Variants in MSRA observed in about 807,000 individuals in gnomAD.
MSRA encodes mitochondrial peptide methionine sulfoxide reductase.
MSRA carries 54 observed loss-of-function variants against 31.3 expected under a neutral mutation model. The observed-to-expected ratio is 1.73, with a 90% CI of 1.39 to 2.17. MSRA has a LOEUF of 2.17. MSRA is among the 30% of genes most tolerant of loss of function. MSRA has a pLI of 0.00. For missense variants in MSRA, 507 were observed against 300.9 expected (o/e 1.69, Z -5.07); for synonymous variants, 169 against 116.5 (o/e 1.45, Z -2.90).
intron 3 of MSRA, among the ~76,000 whole-genome samples, chr8:10,285,021 T>C (rs1198715323): frequency 6.8e-5 from 5 of 74,070 alleles, no homozygotes; most frequent in African/African-American, 9.7e-5. Flanking sequence ...CAATCTTTTT[T>C]TCTTTAAAAA....
At chr8:10,165,563 C>T (rs550814590) in intron 1 of MSRA, among the ~76,000 whole-genome samples, 1 of 152,274 alleles carries the variant, frequency 6.6e-6, no homozygotes, top group East Asian at 1.9e-4. Flanking sequence ...ACCTGGGTCA[C>T]CTGCCAGAAA....
intron 1 of MSRA, among the ~76,000 whole-genome samples, chr8:10,089,703 G>A (rs986490269): frequency 1.3e-5 from 2 of 152,170 alleles, no homozygotes; most frequent in South Asian, 4.1e-4. Flanking sequence ...GCTGGCCTCC[G>A]GTGAGGACCT....
chr8:10,155,563 T>C (rs1022046802), intron 1 of MSRA, among the ~76,000 whole-genome samples: 34 of 152,176 alleles, frequency 2.2e-4, no homozygotes, highest in Non-Finnish European at 4.1e-4. Context: ...TTTCTGAATT[T>C]CTCTTTCCAC....
chr8:10,157,772 C>T (rs552199460), intron 1 of MSRA, among the ~76,000 whole-genome samples: 8 of 152,076 alleles, frequency 5.3e-5, no homozygotes, highest in African/African-American at 1.7e-4. Flanking sequence ...TCTCTCTGCC[C>T]GCCCTCTTCT....
intron 2 of MSRA, among the ~76,000 whole-genome samples, chr8:10,214,034 G>C (rs1809757345): frequency 6.6e-6 from 1 of 152,188 alleles, no homozygotes; most frequent in African/African-American, 2.4e-5. Flanking sequence ...CTAGTAGCCT[G>C]ATGGCAATGT....
At chr8:10,072,790 C>T (rs983481290) in intron 1 of MSRA, among the ~76,000 whole-genome samples, 2 of 152,146 alleles carry the variant, frequency 1.3e-5, no homozygotes, top group African/African-American at 4.8e-5. Context: ...TTTTGTAATT[C>T]TCAGTGTATA....
chr8:10,371,749 C>T (rs1416637785), intron 5 of MSRA, among the ~76,000 whole-genome samples: 4 of 152,126 alleles, frequency 2.6e-5, no homozygotes, highest in Non-Finnish European at 5.9e-5. Context: ...ACCATGCAAG[C>T]ATAACCACGT....
chr8:10,295,635 G>A (rs1416488743), intron 3 of MSRA, among the ~76,000 whole-genome samples: 1 of 152,240 alleles, frequency 6.6e-6, no homozygotes, highest in East Asian at 1.9e-4. Flanking sequence ...AACTTGGGGT[G>A]TCATTCTCAA....
chr8:10,165,957 T>C (rs900123628), intron 1 of MSRA, among the ~76,000 whole-genome samples: 1 of 152,212 alleles, frequency 6.6e-6, no homozygotes, highest in Non-Finnish European at 1.5e-5. Flanking sequence ...GTCCCTGGAA[T>C]AGCTGGGATT....
chr8:10,355,698 C>A (rs1195624341), intron 5 of MSRA, among the ~76,000 whole-genome samples: 1 of 152,088 alleles, frequency 6.6e-6, no homozygotes, highest in Admixed American at 6.5e-5. Flanking sequence ...AGTAGCTTTC[C>A]TGGGTGCCCT....
At chr8:10,411,209 A>G (rs1363398161) in intron 5 of MSRA, 1 of 152,248 alleles carries the variant, frequency 6.6e-6, no homozygotes, top group African/African-American at 2.4e-5. Context: ...TGAAACTGCT[A>G]GAATGCCAGG....
chr8:10,416,981 G>A (rs1808499334), intron 5 of MSRA, among the ~76,000 whole-genome samples: 1 of 152,170 alleles, frequency 6.6e-6, no homozygotes, highest in Non-Finnish European at 1.5e-5. Flanking sequence ...GGGTGCAGAG[G>A]ACACAGAGGA....
At chr8:10,245,930 A>G (rs1047470806) in intron 3 of MSRA, among the ~76,000 whole-genome samples, 4 of 152,238 alleles carry the variant, frequency 2.6e-5, no homozygotes, top group African/African-American at 9.6e-5. Context: ...CTACCGCATG[A>G]GACAGACATT....
At chr8:10,273,243 T>C (rs1237025490) in intron 3 of MSRA, among the ~76,000 whole-genome samples, 3 of 152,320 alleles carry the variant, frequency 2.0e-5, no homozygotes, top group Non-Finnish European at 4.4e-5. Context: ...TTCTTCCAAC[T>C]TATTCTACCC....
At chr8:10,173,620 C>T (rs571269293) in intron 1 of MSRA, among the ~76,000 whole-genome samples, 3 of 152,324 alleles carry the variant, frequency 2.0e-5, no homozygotes, top group African/African-American at 7.2e-5. Flanking sequence ...CCTTGGGCCC[C>T]ATGCCCAGGA....
chr8:10,074,046 C>T (rs1433227559), intron 1 of MSRA, among the ~76,000 whole-genome samples: 1 of 35,050 alleles, frequency 2.9e-5, no homozygotes, highest in Non-Finnish European at 5.7e-5. Context: ...TTTGTTTTGT[C>T]TAAGGGAGGT....
At chr8:10,071,094 G>C (rs1405378979) in intron 1 of MSRA, among the ~76,000 whole-genome samples, 1 of 152,154 alleles carries the variant, frequency 6.6e-6, no homozygotes, top group East Asian at 1.9e-4. Context: ...GTTTCCCAGA[G>C]TTCTTCAGTT....
intron 1 of MSRA, among the ~76,000 whole-genome samples, chr8:10,062,740 T>A (rs1163811438): frequency 1.3e-5 from 2 of 152,194 alleles, no homozygotes; most frequent in African/African-American, 4.8e-5. Flanking sequence ...TACTGGTTTT[T>A]CCTATCGCAT....
At chr8:10,423,517 G>T (rs578097239) in intron 5 of MSRA, among the ~76,000 whole-genome samples, 15 of 152,152 alleles carry the variant, frequency 9.9e-5, no homozygotes, top group African/African-American at 3.4e-4. Flanking sequence ...GGGGCGGGGA[G>T]GGGGGGTGGC....
Sources: gnomAD v4.1 joint callset for allele counts (sites outside exome capture counted in the v4.1 genomes callset) on GRCh38, gnomAD v4.1.1 for gene constraint, MANE v1.5 for transcripts, NCBI Gene and HGNC (gene_info 2026-07-23, HGNC 2026-07-21) for gene names.